Variants in LAMB1 observed in about 807,000 individuals in gnomAD.
LAMB1 encodes the protein laminin subunit beta 1.
LAMB1 carries 121 observed loss-of-function variants against 222.3 expected under a neutral mutation model. The ratio of observed to expected loss-of-function variants is 0.54; its 90% CI spans 0.47 to 0.63. The LOEUF is 0.63. LAMB1 is among the 30% of genes least tolerant of loss of function. LAMB1 has a pLI of 0.00. For synonymous variants in LAMB1, 794 were observed against 807.2 expected, an observed-to-expected ratio of 0.98 and a Z score of 0.28; for missense variants, 2,172 against 2,240.8, an observed-to-expected ratio of 0.97 and a Z score of 0.62.
At chr7:107,995,505 G>A (rs1456592508) in intron 4 of LAMB1, among the ~76,000 whole-genome samples, 1 of 152,196 alleles carries the variant, frequency 6.6e-6, no homozygotes, top group East Asian at 1.9e-4. Flanking sequence ...CCCTGATGGG[G>A]AAACCTTTGG....
chr7:107,931,486 T>C lies in LAMB1; in HGVS notation c.4407A>G (p.Lys1469=). 6.2e-7 allele frequency: 1 copy of C among 1,613,484 alleles called. No homozygotes were observed. Among genetic ancestry groups the C allele is most frequent in the South Asian group, 1.1e-5 (1 of 91,018 alleles). Residue 1469 remains lysine, a synonymous_variant, in exon 29 of 34, where the codon AAA becomes AAG. Transcript: ENST00000222399. ...EQLSKMVSEA[K]LRADEAKQSA... is the part of the protein sequence containing the mutation. ...TTTGTTTTGCCTCATCTGCCCTCAG[T>C]TTTGCTTCAGAGACCTAAATATGAA...
rs866780384 is a variant in LAMB1 at position 107,935,476 on chromosome 7, C to T, written c.4127G>A (p.Arg1376His). The T allele has an allele frequency of 7.4e-6, 12 of 1,611,362 alleles. No homozygotes were observed. In the East Asian group the frequency reaches 8.9e-5, roughly 12 times the overall value. Residue 1376 changes from arginine (R) to histidine (H), a missense_variant, in exon 27 of 34, where the codon CGC (arginine) becomes CAC (histidine). By Grantham distance (29) the Arg-to-His change is conservative. Coordinates refer to ENST00000222399, the MANE Select transcript of LAMB1 (RefSeq NM_002291.3). ...CTTGCCTGCCAGTTCATCAAGGAGG[C>T]GAGCCTGCTCCTCTTGTTTTTCCTT... Reference protein sequence around the residue: ...QFKEKQEEQARLLDELAGKLQ... With the variant: ...QFKEKQEEQAHLLDELAGKLQ...
intron 31 of LAMB1, among the ~76,000 whole-genome samples, chr7:107,928,211 G>T (rs2032613928): frequency 6.6e-6 from 1 of 152,170 alleles, no homozygotes; most frequent in Non-Finnish European, 1.5e-5. Flanking sequence ...GGTAGTCACA[G>T]TATATTTCTT....
At chr7:107,996,929 C>T (rs768026670) in intron 4 of LAMB1, among the ~76,000 whole-genome samples, 10 of 152,164 alleles carry the variant, frequency 6.6e-5, no homozygotes, top group African/African-American at 9.7e-5. Context: ...CAGAAGTCCT[C>T]GGGGTACACT....
intron 7 of LAMB1, among the ~76,000 whole-genome samples, chr7:107,981,952 T>C (rs543570258): frequency 6.6e-6 from 1 of 152,366 alleles, no homozygotes; most frequent in South Asian, 2.1e-4. Context: ...ACAACTTTTT[T>C]GTCCCAGTTT....
At chr7:107,958,593 T>C (rs2033425489) in intron 20 of LAMB1, among the ~76,000 whole-genome samples, 1 of 152,248 alleles carries the variant, frequency 6.6e-6, no homozygotes, top group Non-Finnish European at 1.5e-5. Flanking sequence ...AAGCCAGTTC[T>C]AACAGTACTG....
intron 8 of LAMB1, among the ~76,000 whole-genome samples, chr7:107,979,035 C>T (rs1450504549): frequency 6.6e-6 from 1 of 152,178 alleles, no homozygotes; most frequent in African/African-American, 2.4e-5. Flanking sequence ...CTGTTATTAC[C>T]AGGTGGTTTT....
chr7:107,925,859 A>G (rs1490903624), intron 32 of LAMB1, among the ~76,000 whole-genome samples: 2 of 151,608 alleles, frequency 1.3e-5, no homozygotes, highest in Non-Finnish European at 2.9e-5. Context: ...CACAGAAATA[A>G]AAGTTCAATA....
At chr7:107,924,201 A>T (rs776419487) in intron 33 of LAMB1, 29 bp downstream of exon 33, 91 of 1,571,034 alleles carry the variant, frequency 5.8e-5, no homozygotes, top group Non-Finnish European at 7.5e-5. Flanking sequence ...AAAGTAATTT[A>T]AAAAATAAGC....
At chr7:107,953,381 CTCA>C in intron 22 of LAMB1, 146 bp downstream of exon 22, 1 of 629,082 alleles carries the variant, frequency 1.6e-6, no homozygotes, top group Non-Finnish European at 2.7e-6. Flanking sequence ...AAAAATTGGT[CTCA>C]TCTTTCCTTA....
At chr7:107,968,968 G>T (rs1262376564) in intron 13 of LAMB1, among the ~76,000 whole-genome samples, 1 of 152,062 alleles carries the variant, frequency 6.6e-6, no homozygotes, top group Non-Finnish European at 1.5e-5. Flanking sequence ...TTTCTCAGTG[G>T]GTGAAGGCCA....
At chr7:107,965,612 T>G (rs568200745) in intron 13 of LAMB1, among the ~76,000 whole-genome samples, 1 of 152,232 alleles carries the variant, frequency 6.6e-6, no homozygotes, top group South Asian at 2.1e-4. Flanking sequence ...GTATCATAAT[T>G]TTGTATACAA....
At chr7:107,927,792 C>T (rs2032600100) in intron 31 of LAMB1, among the ~76,000 whole-genome samples, 1 of 152,080 alleles carries the variant, frequency 6.6e-6, no homozygotes, top group African/African-American at 2.4e-5. Context: ...TATTGATACT[C>T]GAAATTTAAG....
chr7:107,956,291 T>A (rs751788469), intron 20 of LAMB1, among the ~76,000 whole-genome samples: 19 of 152,190 alleles, frequency 1.2e-4, no homozygotes, highest in Non-Finnish European at 2.1e-4. Context: ...CCTCTCTTTA[T>A]GTTTTCATGT....
intron 3 of LAMB1, among the ~76,000 whole-genome samples, chr7:108,001,278 C>A (rs1226140876): frequency 6.6e-6 from 1 of 152,246 alleles, no homozygotes; most frequent in Non-Finnish European, 1.5e-5. Flanking sequence ...AAAACACACA[C>A]ACAATCAGGC....
chr7:107,991,905 CAAAA>C (rs71134302), intron 5 of LAMB1, among the ~76,000 whole-genome samples: 1 of 91,992 alleles, frequency 1.1e-5, no homozygotes, highest in Non-Finnish European at 2.1e-5. Context: ...GACTTCGTCT[CAAAA>C]AAAAAAAAAA....
chr7:108,002,040 C>T, intron 2 of LAMB1: 1 of 1,444,556 alleles, frequency 6.9e-7, no homozygotes, highest in Non-Finnish European at 9.1e-7. Flanking sequence ...GGAGCAGCTC[C>T]CCCAACAAAG....
At chr7:107,988,390 T>C (rs2034120279) in intron 5 of LAMB1, among the ~76,000 whole-genome samples, 1 of 152,002 alleles carries the variant, frequency 6.6e-6, no homozygotes, top group Non-Finnish European at 1.5e-5. Context: ...AACATGAATT[T>C]GGGAGTCACT....
intron 13 of LAMB1, 109 bp downstream of exon 13, chr7:107,972,883 A>T (rs1184557619): frequency 1.1e-6 from 1 of 874,058 alleles, no homozygotes; most frequent in Non-Finnish European, 1.9e-6. Flanking sequence ...AAGACATACA[A>T]AAAATATTTT....
Sources: gnomAD v4.1 joint callset for allele counts (sites outside exome capture counted in the v4.1 genomes callset) on GRCh38, gnomAD v4.1.1 for gene constraint, MANE v1.5 for transcripts, NCBI Gene and HGNC (gene_info 2026-07-23, HGNC 2026-07-21) for gene names.